NDNF: variants seen among roughly 807,000 people sequenced by gnomAD.
NDNF encodes the protein protein NDNF.
NDNF carries 16 observed loss-of-function variants against 42.0 expected under a neutral mutation model. The observed-to-expected ratio is 0.38, with a 90% CI of 0.26 to 0.58. The LOEUF is 0.58. NDNF is among the 20% of genes least tolerant of loss of function. The pLI is 0.67. For synonymous variants in NDNF, 248 were observed against 251.7 expected (o/e 0.99, Z 0.14); for missense variants, 616 against 666.2 (o/e 0.92, Z 0.83).
In NDNF at chr4:121,036,609, T is replaced by A. The variant is rs1726873309; in HGVS notation, c.1362A>T (p.Lys454Asn). ...FPSLPEDTRI[K>N]AFDKLRTCSS... ...AACAGGTACGGAGCTTGTCAAAGGCTTTGATTCTTGTGTCTTCAGGAAGAG... is the reference window on the plus strand; with the variant it reads ...AACAGGTACGGAGCTTGTCAAAGGCATTGATTCTTGTGTCTTCAGGAAGAG... The change falls in exon 4 of 4, where the codon AAA becomes AAT. Residue 454 changes from lysine to asparagine, a missense_variant. By Grantham distance (94) the Lys-to-Asn change is moderately conservative (BLOSUM62 0). Transcript: ENST00000379692. 1 of 1,614,044 alleles carries A rather than the reference T, an allele frequency of 6.2e-7. No homozygotes were observed. Among genetic ancestry groups the A allele is most frequent in the African/African-American group, 1.3e-5 (1 of 74,942 alleles).
At chr4:121,046,567 G>T (rs903476833) in intron 1 of NDNF, among the ~76,000 whole-genome samples, 1 of 152,202 alleles carries the variant, frequency 6.6e-6, no homozygotes, top group Non-Finnish European at 1.5e-5. Context: ...AGGTACCAGA[G>T]TCTTCAACAC....
intron 1 of NDNF, among the ~76,000 whole-genome samples, chr4:121,058,689 C>A (rs1727345186): frequency 6.6e-6 from 1 of 152,260 alleles, no homozygotes; most frequent in South Asian, 2.1e-4. Flanking sequence ...ATCCTCAAAT[C>A]CTGCCACTCT....
chr4:121,070,244 G>C (rs1418510749), intron 1 of NDNF, among the ~76,000 whole-genome samples: 2 of 151,952 alleles, frequency 1.3e-5, no homozygotes, highest in African/African-American at 2.4e-5. Flanking sequence ...TAATCATACC[G>C]ATCGCCCTCA....
At chr4:121,055,110 A>G (rs1727268039) in intron 1 of NDNF, among the ~76,000 whole-genome samples, 1 of 152,148 alleles carries the variant, frequency 6.6e-6, no homozygotes, top group South Asian at 2.1e-4. Context: ...CTGGGATTAC[A>G]GGCATGAGTG....
intron 3 of NDNF, among the ~76,000 whole-genome samples, chr4:121,039,178 A>ATGTG (rs749717084): frequency 1.2e-4 from 8 of 66,664 alleles, no homozygotes; most frequent in Middle Eastern, 9.1e-3. Flanking sequence ...TATAAAGACT[A>ATGTG]TGTGTGTGTG....
intron 1 of NDNF, among the ~76,000 whole-genome samples, chr4:121,049,768 A>G (rs1226913044): frequency 1.3e-5 from 2 of 152,196 alleles, no homozygotes; most frequent in Non-Finnish European, 2.9e-5. Context: ...CAAAAACATC[A>G]TATTTCCCAA....
chr4:121,041,437 T>C (rs1726995707), intron 2 of NDNF, among the ~76,000 whole-genome samples: 3 of 152,196 alleles, frequency 2.0e-5, no homozygotes, highest in Admixed American at 2.0e-4. Flanking sequence ...TCTCTTCTGC[T>C]GGTTCCTTCT....
At chr4:121,052,005 T>C (rs1436860228) in intron 1 of NDNF, among the ~76,000 whole-genome samples, 2 of 152,224 alleles carry the variant, frequency 1.3e-5, no homozygotes, top group African/African-American at 2.4e-5. Flanking sequence ...TATAAATTAA[T>C]GCACTGTGAC....
intron 1 of NDNF, among the ~76,000 whole-genome samples, chr4:121,055,080 C>T (rs372117422): frequency 3.3e-4 from 50 of 152,128 alleles, no homozygotes; most frequent in East Asian, 1.5e-3. Context: ...GTGATCCTTC[C>T]GTCTTGGCCT....
chr4:121,060,574 C>T (rs910296622), intron 1 of NDNF, among the ~76,000 whole-genome samples: 19 of 152,122 alleles, frequency 1.2e-4, no homozygotes, highest in Admixed American at 3.3e-4. Context: ...ATTTAGGAGA[C>T]GGTGACAAGA....
At chr4:121,056,378 C>A (rs77883917) in intron 1 of NDNF, among the ~76,000 whole-genome samples, 1 of 152,164 alleles carries the variant, frequency 6.6e-6, no homozygotes. Flanking sequence ...GGACACCAAG[C>A]TTTGATGTAT....
intron 1 of NDNF, among the ~76,000 whole-genome samples, chr4:121,068,045 A>T (rs1443853542): frequency 6.6e-6 from 1 of 152,224 alleles, no homozygotes; most frequent in African/African-American, 2.4e-5. Flanking sequence ...TTACACTGAA[A>T]TGGTGTGATT....
At chr4:121,039,192 G>GTATATA (rs57613027) in intron 3 of NDNF, among the ~76,000 whole-genome samples, 22 of 21,524 alleles carry the variant, frequency 1.0e-3, no homozygotes, top group African/African-American at 2.1e-3. Context: ...GTGTGTGTGT[G>GTATATA]TATATATATA....
rs752191341 is a variant in NDNF at position 121,040,036 on chromosome 4, T to C, written c.207A>G (p.Glu69=). 6.2e-7 allele frequency: 1 copy of C among 1,613,672 alleles called. No individual in the cohort carries two copies. The part of the protein sequence containing the change: ...DTPKRYFFVV[E]EDNTPLSVTV... The stretch of plus-strand genomic sequence containing the variant: ...TGACTGATAATGGAGTATTGTCTTC[T>C]TCAACCACAAAGAAATACCTGTGGG... The change falls in exon 3 of 4, where the codon GAA becomes GAG. Residue 69 remains glutamate (E), a synonymous_variant. Coordinates refer to ENST00000379692, the MANE Select transcript of NDNF (RefSeq NM_024574.4).
chr4:121,043,683 A>T (rs1560604671), intron 2 of NDNF, among the ~76,000 whole-genome samples: 1 of 152,244 alleles, frequency 6.6e-6, no homozygotes. Context: ...CTAAAGAAAG[A>T]TGAATCATTT....
intron 1 of NDNF, among the ~76,000 whole-genome samples, chr4:121,069,169 A>T (rs1727548293): frequency 6.6e-6 from 1 of 152,200 alleles, no homozygotes; most frequent in South Asian, 2.1e-4. Context: ...CCAACTAGAA[A>T]AGTCTCTACA....
chr4:121,050,873 C>G (rs748506738), intron 1 of NDNF, among the ~76,000 whole-genome samples: 3 of 152,050 alleles, frequency 2.0e-5, no homozygotes, highest in Non-Finnish European at 2.9e-5. Context: ...TGAGATTTTT[C>G]TTTGGAATGC....
chr4:121,041,526 T>C (rs1726997108), intron 2 of NDNF, among the ~76,000 whole-genome samples: 1 of 152,222 alleles, frequency 6.6e-6, no homozygotes. Flanking sequence ...GCTCACTCCC[T>C]GTGTGACCTC....
At chr4:121,058,842 G>A (rs1727347876) in intron 1 of NDNF, among the ~76,000 whole-genome samples, 1 of 151,586 alleles carries the variant, frequency 6.6e-6, no homozygotes, top group Non-Finnish European at 1.5e-5. Context: ...ACTGACACTG[G>A]CATCTTTACA....
Sources: allele counts gnomAD v4.1 joint callset (sites outside exome capture counted in the v4.1 genomes callset), GRCh38; gene constraint gnomAD v4.1.1; transcripts MANE v1.5; gene names NCBI Gene and HGNC (gene_info 2026-07-23, HGNC 2026-07-21).